TSPAN7: variants seen among roughly 807,000 people sequenced by gnomAD.
TSPAN7 encodes tetraspanin-7.
TSPAN7 carries 1 observed loss-of-function variant against 17.6 expected under a neutral mutation model. That is an observed-to-expected ratio of 0.06 (90% CI 0.02 to 0.27). The LOEUF (loss-of-function observed/expected upper bound fraction) is 0.27, where lower values mean the gene tolerates loss of function less well. Ranked by LOEUF, TSPAN7 falls within the 10% of genes least tolerant of loss-of-function variation. The pLI is 1.00. For missense variants in TSPAN7, 112 were observed against 201.7 expected, an observed-to-expected ratio of 0.56 and a Z score of 2.69; for synonymous variants, 78 against 79.0, an observed-to-expected ratio of 0.99 and a Z score of 0.07.
chrX:38,579,707 T>C (rs1459801291), intron 1 of TSPAN7, among the ~76,000 whole-genome samples: 1 of 111,926 alleles, frequency 8.9e-6, no homozygotes, highest in Non-Finnish European at 1.9e-5. Flanking sequence ...ATTTCAAATG[T>C]AATCCTAAAA....
intron 1 of TSPAN7, among the ~76,000 whole-genome samples, chrX:38,637,892 A>C (rs2069589866): frequency 8.9e-6 from 1 of 111,900 alleles, no homozygotes; most frequent in Non-Finnish European, 1.9e-5. Flanking sequence ...CAGCAGAAGG[A>C]TGTGTCAATA....
intron 1 of TSPAN7, among the ~76,000 whole-genome samples, chrX:38,615,926 G>A (rs1569307308): frequency 8.9e-6 from 1 of 111,889 alleles, no homozygotes; most frequent in East Asian, 2.8e-4. Context: ...AGAATGACTG[G>A]AAAGAAAACT....
intron 1 of TSPAN7, among the ~76,000 whole-genome samples, chrX:38,581,578 G>A (rs1238687387): frequency 8.9e-6 from 1 of 111,921 alleles, no homozygotes; most frequent in Non-Finnish European, 1.9e-5. Flanking sequence ...CAAGATTTGG[G>A]TGGGGACATG....
intron 1 of TSPAN7, among the ~76,000 whole-genome samples, chrX:38,600,952 AC>A (rs1277778006): frequency 2.7e-5 from 3 of 111,694 alleles, no homozygotes; most frequent in Non-Finnish European, 5.7e-5. Flanking sequence ...GACCTCATGA[AC>A]ACCATCATCC....
rs752820679 is a variant in TSPAN7 at position 38,584,423 on chromosome X, G to C, written c.81+22796G>C. Among the ~76,000 whole-genome samples, 10 of 111,718 alleles carry C rather than the reference G, an allele frequency of 9.0e-5. 1 individual carries two copies. The South Asian group carries it at 3.8e-3, about 42-fold the overall frequency. On this transcript the variant is annotated intron_variant, in intron 1 of 7. Coordinates refer to ENST00000378482, the MANE Select transcript of TSPAN7 (RefSeq NM_004615.4). ...TAATGAAATTAGGGTGGGCCATTCTGCCATTTCCTGAAACTCACATGATCC... is the reference window on the plus strand; with the variant it reads ...TAATGAAATTAGGGTGGGCCATTCTCCCATTTCCTGAAACTCACATGATCC...
At position 38,685,951 on chromosome X, in the gene TSPAN7, T is replaced by C. The variant is rs770288834; in HGVS notation, c.682-1648T>C. ...ATGTGTTATATACCTCTGACACTTA[T>C]TTGATTTTTGACATTATCAAGTGTG... On this transcript the variant is annotated intron_variant, in intron 6 of 7. Coordinates refer to ENST00000378482, the MANE Select transcript of TSPAN7 (RefSeq NM_004615.4). 2.7e-5 allele frequency among the ~76,000 whole-genome samples: 3 copies of C among 112,388 alleles called. No individual in the cohort carries two copies. In the South Asian group the frequency reaches 1.1e-3, roughly 42 times the overall value.
rs1352299273 is a variant in TSPAN7 at position 38,655,978 on chromosome X, T to TA, written c.82-10142dup. On this transcript the variant is annotated intron_variant, in intron 1 of 7. Coordinates refer to ENST00000378482, the MANE Select transcript of TSPAN7 (RefSeq NM_004615.4). ...AGATTGGCATTTATGGAAAAATTGT[T>TA]ACGATTCGTTTTTCCAGATTCATTC... 9.2e-6 allele frequency: 3 copies of TA among 324,376 alleles called. No homozygotes were observed. In the Admixed American group the frequency reaches 9.5e-5, roughly 10 times the overall value. The allele number at this position is 324,376 out of a possible 1,213,427, so 26.7% of individuals were successfully genotyped here.
intron 1 of TSPAN7, among the ~76,000 whole-genome samples, chrX:38,566,970 T>G (rs933890992): frequency 4.5e-5 from 5 of 112,209 alleles, no homozygotes; most frequent in African/African-American, 1.3e-4. Flanking sequence ...GATTTCTTGA[T>G]TATCTAAGGA....
chrX:38,624,778 C>T (rs2069511827), intron 1 of TSPAN7, among the ~76,000 whole-genome samples: 1 of 112,752 alleles, frequency 8.9e-6, no homozygotes, highest in Non-Finnish European at 1.9e-5. Flanking sequence ...CTTGGCTGTA[C>T]GTTGGTATCA....
At chrX:38,607,997 A>G (rs957683331) in intron 1 of TSPAN7, among the ~76,000 whole-genome samples, 5 of 110,958 alleles carry the variant, frequency 4.5e-5, no homozygotes, top group South Asian at 7.7e-4. Context: ...ATCTTTCCTG[A>G]TTCAGCCTGG....
chrX:38,659,001 TACACACACACACACACAC>T (rs71903430), intron 1 of TSPAN7, among the ~76,000 whole-genome samples: 6 of 96,183 alleles, frequency 6.2e-5, no homozygotes, highest in Non-Finnish European at 6.2e-5. Flanking sequence ...TTATCTTCCA[TACACACACACACACACAC>T]ACACACACAC....
At chrX:38,625,970 A>G (rs1445471591) in intron 1 of TSPAN7, among the ~76,000 whole-genome samples, 1 of 112,272 alleles carries the variant, frequency 8.9e-6, no homozygotes, top group African/African-American at 3.2e-5. Flanking sequence ...AAAATTGCAG[A>G]CAGTGTCAGG....
intron 1 of TSPAN7, among the ~76,000 whole-genome samples, chrX:38,636,643 A>G (rs2069581266): frequency 9.0e-6 from 1 of 111,521 alleles, no homozygotes; most frequent in African/African-American, 3.3e-5. Flanking sequence ...CAGAATCAGC[A>G]TGAGGGGTAG....
chrX:38,671,483 G>C (rs746533654), intron 3 of TSPAN7, 33 bp downstream of exon 3: 6 of 1,163,424 alleles, frequency 5.2e-6, no homozygotes, highest in Non-Finnish European at 7.0e-6. Context: ...ACTCAGTTAA[G>C]GGGTGTTTGG....
Position 38,680,539 on chromosome X carries a change from T to TTCTCTCTCTC in TSPAN7, c.598-629_598-620dup, listed in dbSNP as rs61619425. Among the ~76,000 whole-genome samples, 337 of 75,586 alleles carry TTCTCTCTCTC rather than the reference T, an allele frequency of 4.5e-3. 3 individuals carry two copies. Among genetic ancestry groups the TTCTCTCTCTC allele is most frequent in the African/African-American group, 0.015 (310 of 20,317 alleles). 65.6% of individuals were successfully genotyped at this position (75,586 alleles called of 115,157 possible). On this transcript the variant is annotated intron_variant, in intron 5 of 7. Coordinates refer to ENST00000378482, the MANE Select transcript of TSPAN7 (RefSeq NM_004615.4). Reference sequence around the variant, plus strand: ...AGTTTCAAATAAATATACTTACAAATTCTCTCTCTCTCTCTCTCTCTCTCT... The same window carrying TTCTCTCTCTC: ...AGTTTCAAATAAATATACTTACAAATTCTCTCTCTCTCTCTCTCTCTCTCTCTCTCTCTCT...
rs142824793 is a variant in TSPAN7 at position 38,644,053 on chromosome X, G to T, written c.82-22068G>T. Among the ~76,000 whole-genome samples the T allele has an allele frequency of 1.3e-4, 15 of 111,390 alleles. No individual in the cohort carries two copies. In the East Asian group the frequency reaches 3.7e-3, roughly 27 times the overall value. The stretch of plus-strand genomic sequence containing the variant: ...ACTATGAATGTTGCTTTCAGTGCAG[G>T]ATAGATGGCTCCAGTGGGTATAATA... On this transcript the variant is annotated intron_variant, in intron 1 of 7. Coordinates refer to ENST00000378482, the MANE Select transcript of TSPAN7 (RefSeq NM_004615.4).
chrX:38,579,943 A>G (rs1569302331), intron 1 of TSPAN7, among the ~76,000 whole-genome samples: 1 of 112,482 alleles, frequency 8.9e-6, no homozygotes. Flanking sequence ...TAACATTTAC[A>G]TATCTATAAT....
intron 1 of TSPAN7, among the ~76,000 whole-genome samples, chrX:38,652,968 A>G (rs922209978): frequency 3.6e-5 from 4 of 112,305 alleles, no homozygotes; most frequent in African/African-American, 1.3e-4. Flanking sequence ...AATATTGGAC[A>G]GAGGAACTCA....
At chrX:38,593,146 T>C (rs1168470495) in intron 1 of TSPAN7, among the ~76,000 whole-genome samples, 2 of 111,267 alleles carry the variant, frequency 1.8e-5, no homozygotes, top group Non-Finnish European at 3.8e-5. Context: ...TGTTCTTCCA[T>C]ATGTAACTTT....
Sources: gnomAD v4.1 joint callset for allele counts (sites outside exome capture counted in the v4.1 genomes callset) on GRCh38, gnomAD v4.1.1 for gene constraint, MANE v1.5 for transcripts, NCBI Gene and HGNC (gene_info 2026-07-23, HGNC 2026-07-21) for gene names.